BRINP1: variants seen among roughly 807,000 people sequenced by gnomAD.
The protein encoded by BRINP1 is BMP/retinoic acid inducible neural specific 1, also known as BMP/retinoic acid-inducible neural-specific protein 1.
Under a neutral mutation model 72.9 loss-of-function variants are expected in BRINP1, and 17 were observed. The ratio of observed to expected loss-of-function variants is 0.23; its 90% CI spans 0.16 to 0.35. BRINP1 has a LOEUF of 0.35. BRINP1 is among the 10% of genes least tolerant of loss of function. BRINP1 has a pLI of 1.00. For missense variants in BRINP1, 850 were observed against 1,001.6 expected, an observed-to-expected ratio of 0.85 and a Z score of 2.04; for synonymous variants, 418 against 378.5, an observed-to-expected ratio of 1.10 and a Z score of -1.21.
In BRINP1 at chr9:119,242,067, T is replaced by C; in HGVS notation, c.559A>G (p.Ile187Val). 1 of 1,613,966 alleles carries C rather than the reference T, an allele frequency of 6.2e-7. No individual in the cohort carries two copies. The highest frequency in any genetic ancestry group is 8.5e-7 in the Non-Finnish European group (1 of 1,179,984). Reference protein sequence around the residue: ...GTMRRLHEIQISTGAIKVTET... With the variant: ...GTMRRLHEIQVSTGAIKVTET... Reference sequence around the variant, plus strand: ...TGTACCTTGATTGCTCCAGTTGATATCTGGATCTCATGAAGCCTCCTCATG... The same window carrying C: ...TGTACCTTGATTGCTCCAGTTGATACCTGGATCTCATGAAGCCTCCTCATG... The change falls in exon 4 of 8, where the codon ATA becomes GTA. Residue 187 changes from isoleucine to valine, a missense_variant. Transcript: ENST00000265922.
At position 119,233,910 on chromosome 9, in the gene BRINP1, G is replaced by A. The variant is rs530095369; in HGVS notation, c.685+4745C>T. 2.6e-5 allele frequency among the ~76,000 whole-genome samples: 4 copies of A among 152,076 alleles called. No individual in the cohort carries two copies. In the South Asian group the frequency reaches 8.3e-4, roughly 32 times the overall value. On this transcript the variant is annotated intron_variant, in intron 5 of 7. Coordinates refer to ENST00000265922, the MANE Select transcript of BRINP1 (RefSeq NM_014618.3). ...AATCCCACAGCCTGTACTCATTTAC[G>A]TCTAACTTGTTTCACTCAATGCTGT... is the stretch of plus-strand genomic sequence containing the variant.
chr9:119,362,548 C>A (rs1831646075), intron 1 of BRINP1, among the ~76,000 whole-genome samples: 1 of 152,164 alleles, frequency 6.6e-6, no homozygotes, highest in South Asian at 2.1e-4. Context: ...ACCATACCCC[C>A]CAAGTCACTT....
chr9:119,239,153 C>A (rs1439403001), intron 4 of BRINP1, among the ~76,000 whole-genome samples: 1 of 152,228 alleles, frequency 6.6e-6, no homozygotes, highest in Non-Finnish European at 1.5e-5. Context: ...CTCTAAGTAT[C>A]TGCAAATCAA....
At chr9:119,313,034 T>C (rs1225768370) in intron 2 of BRINP1, 104 bp downstream of exon 2, 3 of 1,335,460 alleles carry the variant, frequency 2.2e-6, no homozygotes, top group Non-Finnish European at 3.1e-6. Flanking sequence ...CACAGACCCT[T>C]GACCCAGACA....
intron 7 of BRINP1, among the ~76,000 whole-genome samples, chr9:119,169,823 C>T (rs1265418540): frequency 6.6e-6 from 1 of 152,210 alleles, no homozygotes; most frequent in East Asian, 1.9e-4. Flanking sequence ...GTCCCTGACC[C>T]CTGACCCCTG....
At chr9:119,218,680 AC>A in intron 5 of BRINP1, among the ~76,000 whole-genome samples, 1 of 150,748 alleles carries the variant, frequency 6.6e-6, no homozygotes. Context: ...CTGGCTTACA[AC>A]CCCTGTGGTG....
chr9:119,319,076 C>T (rs968135392), intron 1 of BRINP1, among the ~76,000 whole-genome samples: 1 of 152,026 alleles, frequency 6.6e-6, no homozygotes, highest in East Asian at 1.9e-4. Flanking sequence ...CACAAGACAG[C>T]CCCCACAACA....
chr9:119,357,404 T>C (rs914330112), intron 1 of BRINP1, among the ~76,000 whole-genome samples: 2 of 152,136 alleles, frequency 1.3e-5, no homozygotes, highest in Non-Finnish European at 2.9e-5. Context: ...GCTTTGGTGG[T>C]TCTACTCCCA....
At chr9:119,320,612 A>G (rs967667351) in intron 1 of BRINP1, among the ~76,000 whole-genome samples, 5 of 152,144 alleles carry the variant, frequency 3.3e-5, no homozygotes, top group African/African-American at 1.2e-4. Flanking sequence ...GCTCAGGAAA[A>G]GCATCTCTGA....
At chr9:119,302,480 GT>G (rs939863526) in intron 2 of BRINP1, among the ~76,000 whole-genome samples, 2 of 151,560 alleles carry the variant, frequency 1.3e-5, no homozygotes, top group African/African-American at 4.9e-5. Flanking sequence ...AGTGTTATTG[GT>G]ATTTTTGGGG....
intron 5 of BRINP1, among the ~76,000 whole-genome samples, chr9:119,236,720 C>T (rs1455428195): frequency 2.6e-5 from 4 of 152,206 alleles, no homozygotes; most frequent in Non-Finnish European, 5.9e-5. Flanking sequence ...AACCCTGGCA[C>T]ACACAAGGAA....
intron 7 of BRINP1, among the ~76,000 whole-genome samples, chr9:119,189,211 G>T (rs960398815): frequency 6.6e-6 from 1 of 151,738 alleles, no homozygotes; most frequent in Admixed American, 6.6e-5. Context: ...AGAAACCAAA[G>T]ATCAGCACTA....
At chr9:119,280,038 G>T (rs905918821) in intron 2 of BRINP1, among the ~76,000 whole-genome samples, 29 of 151,878 alleles carry the variant, frequency 1.9e-4, no homozygotes, top group Non-Finnish European at 4.0e-4. Flanking sequence ...GAAAAAAAAT[G>T]GCAATAAAAT....
At chr9:119,331,506 A>G (rs1831300448) in intron 1 of BRINP1, among the ~76,000 whole-genome samples, 1 of 152,226 alleles carries the variant, frequency 6.6e-6, no homozygotes, top group Non-Finnish European at 1.5e-5. Context: ...GCATCCATAT[A>G]TAACATCGGG....
intron 2 of BRINP1, among the ~76,000 whole-genome samples, chr9:119,271,754 A>C (rs1315800843): frequency 6.6e-6 from 1 of 152,134 alleles, no homozygotes; most frequent in Non-Finnish European, 1.5e-5. Context: ...TAAAGAGTAC[A>C]TAACTGTTGA....
At position 119,176,265 on chromosome 9, in the gene BRINP1, G is replaced by A. The variant is rs190522699; in HGVS notation, c.1146-8041C>T. Among the ~76,000 whole-genome samples the A allele has an allele frequency of 7.9e-5, 12 of 152,236 alleles. No individual in the cohort carries two copies. In the East Asian group the frequency reaches 2.3e-3, roughly 29 times the overall value. Reference sequence around the variant, plus strand: ...CGAGAGTCAAGAGCACCTTTCCTAAGGCTGTCGTGCTGTGGAGATGGTGAT... The same window carrying A: ...CGAGAGTCAAGAGCACCTTTCCTAAAGCTGTCGTGCTGTGGAGATGGTGAT... On this transcript the variant is annotated intron_variant, in intron 7 of 7. Transcript: ENST00000265922.
intron 7 of BRINP1, among the ~76,000 whole-genome samples, chr9:119,196,799 A>C (rs1416465500): frequency 1.3e-5 from 2 of 152,242 alleles, no homozygotes; most frequent in East Asian, 3.8e-4. Flanking sequence ...CCAGGTATTT[A>C]ATTCTGACTT....
chr9:119,327,347 T>G (rs1357226491), intron 1 of BRINP1, among the ~76,000 whole-genome samples: 2 of 152,180 alleles, frequency 1.3e-5, no homozygotes, highest in Middle Eastern at 3.2e-3. Context: ...TTCCCCTCCC[T>G]GTGGAGGACC....
chr9:119,323,968 A>G (rs1831214203), intron 1 of BRINP1, among the ~76,000 whole-genome samples: 1 of 152,338 alleles, frequency 6.6e-6, no homozygotes, highest in Admixed American at 6.5e-5. Flanking sequence ...TTTTCACCTG[A>G]AAAAATTATG....
Sources: gnomAD v4.1 joint callset for allele counts (sites outside exome capture counted in the v4.1 genomes callset) on GRCh38, gnomAD v4.1.1 for gene constraint, MANE v1.5 for transcripts, NCBI Gene and HGNC (gene_info 2026-07-23, HGNC 2026-07-21) for gene names.